GSN: variants seen among roughly 807,000 people sequenced by gnomAD.
The protein encoded by GSN is actin-depolymerizing factor.
Under a neutral mutation model 85.7 loss-of-function variants are expected in GSN, and 56 were observed. That is an observed-to-expected ratio of 0.65 (90% confidence interval 0.53 to 0.82). The LOEUF is 0.82. Ranked by LOEUF, GSN falls within the 40% of genes least tolerant of loss-of-function variation. The pLI, the probability that GSN is intolerant of heterozygous loss-of-function variation, is 0.00. For synonymous variants in GSN, 373 were observed against 399.1 expected (o/e 0.93, Z 0.78); for missense variants, 857 against 979.8 (o/e 0.87, Z 1.67).
intron 16 of GSN, among the ~76,000 whole-genome samples, chr9:121,330,046 G>A (rs1403261132): frequency 6.6e-6 from 1 of 152,206 alleles, no homozygotes; most frequent in South Asian, 2.1e-4. Context: ...GGAATCCCCA[G>A]TTGGAAGATC....
At chr9:121,315,246 A>G (rs1478046620) in intron 7 of GSN, among the ~76,000 whole-genome samples, 1 of 152,176 alleles carries the variant, frequency 6.6e-6, no homozygotes, top group East Asian at 1.9e-4. Flanking sequence ...ATATCTTTCT[A>G]TAATAAATCT....
At chr9:121,264,504 A>G (rs1564365660), upstream of GSN, among the ~76,000 whole-genome samples, 1 of 152,202 alleles carries the variant, frequency 6.6e-6, no homozygotes, top group African/African-American at 2.4e-5. Flanking sequence ...AGAAAACAAC[A>G]CTAAACACAC....
chr9:121,207,530 AGGACAAAG>A (rs2053901781), upstream of GSN, among the ~76,000 whole-genome samples: 1 of 152,236 alleles, frequency 6.6e-6, no homozygotes, highest in Non-Finnish European at 1.5e-5. Context: ...AAGACAGTCT[AGGACAAAG>A]GGCAGTCAGT....
At chr9:121,323,795 A>C (rs901051869) in intron 11 of GSN, among the ~76,000 whole-genome samples, 1 of 152,076 alleles carries the variant, frequency 6.6e-6, no homozygotes, top group Non-Finnish European at 1.5e-5. Flanking sequence ...CATGCCCTTA[A>C]CACTTTTAAA....
In GSN at chr9:121,328,974, C is replaced by T. The variant is rs2063570276; in HGVS notation, c.1846C>T (p.Pro616Ser). ...GGACAAGAAGATGGATGCCCATCCT[C>T]CTCGCCTCTTTGCCTGCTCCAACAA... is the stretch of plus-strand genomic sequence containing the variant. ...LKDKKMDAHP[P>S]RLFACSNKIG... The change falls in exon 15 of 18, where the codon CCT becomes TCT. Residue 616 changes from proline (P) to serine (S), a missense_variant. By Grantham distance (74) the Pro-to-Ser change is moderately conservative. Coordinates refer to ENST00000432226, the MANE Select transcript of GSN (RefSeq NM_198252.3). 1 of 1,614,078 alleles carries T rather than the reference C, an allele frequency of 6.2e-7. No individual in the cohort carries two copies. The highest frequency in any genetic ancestry group is 1.1e-5 in the South Asian group (1 of 91,082).
chr9:121,317,085 G>C lies in GSN; in HGVS notation c.754-1G>C. 1 of 1,614,158 alleles carries C rather than the reference G, an allele frequency of 6.2e-7. No individual in the cohort carries two copies. Among genetic ancestry groups the C allele is most frequent in the South Asian group, 1.1e-5 (1 of 91,086 alleles). On this transcript the variant is annotated splice_acceptor_variant, in intron 7 of 17. Coordinates refer to ENST00000432226, the MANE Select transcript of GSN (RefSeq NM_198252.3). LOFTEE classifies it high-confidence loss of function. ...TGGTTCCTTCTGCTTCGTCCCCTCA[G>C]GTCTCCAATGGTGCAGGGACCATGT... is the stretch of plus-strand genomic sequence containing the variant.
intron 1 of GSN, among the ~76,000 whole-genome samples, chr9:121,268,766 TC>T (rs370400967): frequency 9.1e-4 from 138 of 152,296 alleles, no homozygotes; most frequent in African/African-American, 3.1e-3. Context: ...TGCTGGCTTC[TC>T]CCCGGCCCTG....
At chr9:121,239,952 T>G (rs1156658572) in intron 5 of GSN, 1 of 160,224 alleles carries the variant, frequency 6.2e-6, no homozygotes, top group Non-Finnish European at 1.5e-5. Context: ...GTGATGTATG[T>G]AAGGCAAGGC....
In GSN at chr9:121,313,983, A is replaced by T. The variant is rs747292895; in HGVS notation, c.713A>T (p.Lys238Met). Residue 238 changes from lysine (K) to methionine (M), a missense_variant, in exon 7 of 18, where the codon AAG becomes ATG. Coordinates refer to ENST00000432226, the MANE Select transcript of GSN (RefSeq NM_198252.3). The stretch of plus-strand genomic sequence containing the variant: ...CCTGCAGGTACCGAGGACACCGCCA[A>T]GGAGGATGCGGCCAACCGCAAGCTG... ...ALPAGTEDTA[K>M]EDAANRKLAK... 3 of 1,614,220 alleles carry T rather than the reference A, an allele frequency of 1.9e-6. No individual in the cohort carries two copies. The East Asian group carries it at 6.7e-5, about 36-fold the overall frequency.
chr9:121,286,598 C>T, intron 2 of GSN: 1 of 1,497,622 alleles, frequency 6.7e-7, no homozygotes, highest in Non-Finnish European at 8.9e-7. Context: ...CTTTGTGCTC[C>T]CAGGGCCCAC....
rs118019758 is a variant in GSN, at chr9:121,330,973, C to T, written c.1966-415C>T. Reference sequence around the variant, plus strand: ...GATGGTACCTGGTTGGCAATGTTAGCGAATGAAGCAGGCTGGGCTGGGGAG... The same window carrying T: ...GATGGTACCTGGTTGGCAATGTTAGTGAATGAAGCAGGCTGGGCTGGGGAG... On this transcript the variant is annotated intron_variant, in intron 16 of 17. Coordinates refer to ENST00000432226, the MANE Select transcript of GSN (RefSeq NM_198252.3). Among the ~76,000 whole-genome samples the T allele has an allele frequency of 6.1e-3, 927 of 152,150 alleles. 4 individuals are homozygous for T. The highest frequency in any genetic ancestry group is 8.5e-3 in the Non-Finnish European group (579 of 68,006).
At chr9:121,257,267 A>T (rs1253841165) in intron 6 of GSN, among the ~76,000 whole-genome samples, 1 of 152,216 alleles carries the variant, frequency 6.6e-6, no homozygotes, top group Non-Finnish European at 1.5e-5. Flanking sequence ...ATTTATTAAG[A>T]CCTACCATGT....
intron 4 of GSN, among the ~76,000 whole-genome samples, chr9:121,221,139 C>G (rs1006054463): frequency 1.3e-5 from 2 of 152,178 alleles, no homozygotes; most frequent in Admixed American, 1.3e-4. Flanking sequence ...GCGCCTCGGC[C>G]CAGTCCGAGA....
chr9:121,248,978 A>G (rs1429034874), intron 6 of GSN, among the ~76,000 whole-genome samples: 1 of 152,194 alleles, frequency 6.6e-6, no homozygotes, highest in Non-Finnish European at 1.5e-5. Context: ...CGTGTAGTGG[A>G]TGATTAGCAC....
chr9:121,255,332 T>C (rs2054931187), intron 6 of GSN, among the ~76,000 whole-genome samples: 1 of 152,228 alleles, frequency 6.6e-6, no homozygotes. Flanking sequence ...CTCAACTTCC[T>C]GGGCTCAAGT....
intron 5 of GSN, among the ~76,000 whole-genome samples, chr9:121,244,016 G>A (rs1194608132): frequency 1.3e-5 from 2 of 152,198 alleles, no homozygotes; most frequent in Non-Finnish European, 2.9e-5. Flanking sequence ...CACCCCCTTG[G>A]CTTAGCCCCT....
intron 7 of GSN, among the ~76,000 whole-genome samples, chr9:121,316,268 A>G (rs532048035): frequency 1.3e-5 from 2 of 152,332 alleles, no homozygotes; most frequent in Non-Finnish European, 2.9e-5. Context: ...AAGAGTTCCT[A>G]TATACCATTC....
intron 8 of GSN, chr9:121,317,561 A>G: frequency 2.9e-6 from 1 of 343,956 alleles, no homozygotes; most frequent in Non-Finnish European, 5.6e-6. Flanking sequence ...AGTGGATTTT[A>G]AAATGTTCGA....
intron 4 of GSN, among the ~76,000 whole-genome samples, chr9:121,228,721 G>A (rs1370708745): frequency 5.3e-5 from 8 of 152,038 alleles, no homozygotes; most frequent in South Asian, 2.1e-4. Flanking sequence ...CACTGTGCCC[G>A]GCCCTTAGCC....
Sources: allele counts gnomAD v4.1 joint callset (sites outside exome capture counted in the v4.1 genomes callset), GRCh38; gene constraint gnomAD v4.1.1; transcripts MANE v1.5; gene names NCBI Gene and HGNC (gene_info 2026-07-23, HGNC 2026-07-21).